ZNF575: variants seen among roughly 807,000 people sequenced by gnomAD.
The protein encoded by ZNF575 is zinc finger protein 575.
Under a neutral mutation model 17.5 loss-of-function variants are expected in ZNF575, and 17 were observed. The ratio of observed to expected loss-of-function variants is 0.97; its 90% CI spans 0.66 to 1.45. ZNF575 has a LOEUF of 1.45. Among genes scored for constraint, ZNF575 ranks in the 40% most tolerant of loss-of-function variants. The probability of loss-of-function intolerance (pLI) is 0.00; values close to 1 mark genes in which losing one functional copy is unlikely to be tolerated. For missense variants in ZNF575, 352 were observed against 359.2 expected (o/e 0.98, Z 0.16); for synonymous variants, 146 against 158.3 (o/e 0.92, Z 0.58).
At chr19:43,530,999 T>A (rs1330965662), upstream of ZNF575, among the ~76,000 whole-genome samples, 1 of 151,818 alleles carries the variant, frequency 6.6e-6, no homozygotes, top group Non-Finnish European at 1.5e-5. Flanking sequence ...GCCCTAGAGG[T>A]TGGGCGCGGT....
chr19:43,535,075 G>A lies in ZNF575; in HGVS notation c.126G>A (p.Gly42=). 1 of 1,491,546 alleles carries A rather than the reference G, an allele frequency of 6.7e-7. No individual in the cohort carries two copies. The highest frequency in any genetic ancestry group is 8.9e-7 in the Non-Finnish European group (1 of 1,129,266). The allele number at this position is 1,491,546 out of a possible 1,614,324, so 92.4% of individuals were successfully genotyped here. ...PPQKPSQSAP[G]PTASAGSPPR... is the part of the protein sequence containing the mutation. ...AGAAGCCCAGCCAGTCAGCTCCAGGGCCCACCGCGTCCGCGGGCTCGCCTC... is the reference window on the plus strand; with the variant it reads ...AGAAGCCCAGCCAGTCAGCTCCAGGACCCACCGCGTCCGCGGGCTCGCCTC... Residue 42 remains glycine (G), a synonymous_variant, in exon 4 of 4, where the codon GGG becomes GGA. Coordinates refer to ENST00000314228, the MANE Select transcript of ZNF575 (RefSeq NM_174945.3).
chr19:43,531,941 A>ATTTTTTT, upstream of ZNF575: 4 of 173,046 alleles, frequency 2.3e-5, no homozygotes, highest in South Asian at 8.2e-5. Context: ...ATTAAGCCAG[A>ATTTTTTT]CTTTTTTTTT....
Position 43,535,741 on chromosome 19 carries a change from T to TGGGATTTCTAA in ZNF575, c.*56_*66dup. 1 of 1,511,982 alleles carries TGGGATTTCTAA rather than the reference T, an allele frequency of 6.6e-7. No individual in the cohort carries two copies. The highest frequency in any genetic ancestry group is 8.9e-7 in the Non-Finnish European group (1 of 1,128,730). The allele number at this position is 1,511,982 out of a possible 1,614,324, so 93.7% of individuals were successfully genotyped here. A position where few individuals can be genotyped will look rare whatever the true frequency, so the allele number is the denominator to read the frequency against. ...GCCGCCAGCCCTAGCCAGTAAGAGG[T>TGGGATTTCTAA]GGGATTTCTAAGACCGACTGTATGA... On this transcript the variant is annotated 3_prime_UTR_variant, in exon 4 of 4. Transcript: ENST00000314228.
chr19:43,534,323 A>G lies in ZNF575; in HGVS notation c.-86-14A>G. 686 of 994,660 alleles carry G rather than the reference A, an allele frequency of 6.9e-4. No homozygotes were observed. The highest frequency in any genetic ancestry group is 9.6e-4 in the Non-Finnish European group (628 of 655,152). 61.6% of individuals were successfully genotyped at this position (994,660 alleles called of 1,614,324 possible). A position where few individuals can be genotyped will look rare whatever the true frequency, so the allele number is the denominator to read the frequency against. ...GCAGACCTTGCTCCTAAACAGTGTG[A>G]TCCCTCATTTTAGGCCCTCCAACCC... On this transcript the variant is annotated splice_polypyrimidine_tract_variant and intron_variant, in intron 2 of 3. Coordinates refer to ENST00000314228, the MANE Select transcript of ZNF575 (RefSeq NM_174945.3).
chr19:43,535,827 C>A lies in ZNF575; in HGVS notation c.*140C>A. On this transcript the variant is annotated 3_prime_UTR_variant, in exon 4 of 4. Transcript: ENST00000314228. ...CAAGGGATTGGCCATTTATACTGGGCTCGAGCTCAGAAGCCCGAGGAACTC... is the reference window on the plus strand; with the variant it reads ...CAAGGGATTGGCCATTTATACTGGGATCGAGCTCAGAAGCCCGAGGAACTC... 2 of 993,266 alleles carry A rather than the reference C, an allele frequency of 2.0e-6. No homozygotes were observed. The highest frequency in any genetic ancestry group is 2.9e-6 in the Non-Finnish European group (2 of 694,850). The allele number at this position is 993,266 out of a possible 1,614,324, so 61.5% of individuals were successfully genotyped here. A position where few individuals can be genotyped will look rare whatever the true frequency, so the allele number is the denominator to read the frequency against.
At position 43,535,194 on chromosome 19, in the gene ZNF575, GCTTAGCACACGGAGGCGCCCGA is replaced by G. The variant is rs1422126565; in HGVS notation, c.247_268del (p.Leu83ProfsTer173). 1 of 1,609,818 alleles carries G rather than the reference GCTTAGCACACGGAGGCGCCCGA, an allele frequency of 6.2e-7. No homozygotes were observed. The highest frequency in any genetic ancestry group is 8.5e-7 in the Non-Finnish European group (1 of 1,178,462). ...TACCCGTCCAAGCTGGCCACGCACC[GCTTAGCACACGGAGGCGCCCGA>G]CCCCACCCATGCCCAGACTGCCCCA... On this transcript the variant is annotated frameshift_variant, in exon 4 of 4. Coordinates refer to ENST00000314228, the MANE Select transcript of ZNF575 (RefSeq NM_174945.3). LOFTEE classifies it high-confidence loss of function.
rs1048190080 is a variant in ZNF575, at chr19:43,535,940, C to G, written c.*253C>G. On this transcript the variant is annotated 3_prime_UTR_variant, in exon 4 of 4. Transcript: ENST00000314228. Reference sequence around the variant, plus strand: ...GGCTCTGCTTCTCCCCACACACTTACATGGCAAAGGTAAAAAGTCTGCTAC... The same window carrying G: ...GGCTCTGCTTCTCCCCACACACTTAGATGGCAAAGGTAAAAAGTCTGCTAC... 2 of 533,294 alleles carry G rather than the reference C, an allele frequency of 3.8e-6. No individual in the cohort carries two copies. Among genetic ancestry groups the G allele is most frequent in the Admixed American group, 6.6e-5 (2 of 30,526 alleles). The allele number at this position is 533,294 out of a possible 1,614,324, so 33.0% of individuals were successfully genotyped here. A position where few individuals can be genotyped will look rare whatever the true frequency, so the allele number is the denominator to read the frequency against.
chr19:43,534,886 C>A (rs902040385), intron 3 of ZNF575, 143 bp from the exon 4 acceptor site: 15 of 778,022 alleles, frequency 1.9e-5, no homozygotes, highest in Middle Eastern at 4.0e-4. Flanking sequence ...CAGAAACATG[C>A]AATTTGGGGA....
At chr19:43,534,008 CT>C (rs1600029758) in intron 2 of ZNF575, 106 bp downstream of exon 2, 1 of 189,270 alleles carries the variant, frequency 5.3e-6, no homozygotes, top group South Asian at 1.1e-4. Flanking sequence ...CCCCCGCCCC[CT>C]GGGTCTAGTT....
Position 43,535,382 on chromosome 19 carries a change from C to CCTGCCCCCACT in ZNF575, c.433_434insCTGCCCCCACT (p.Arg145ProfsTer122). On this transcript the variant is annotated frameshift_variant, in exon 4 of 4. Coordinates refer to ENST00000314228, the MANE Select transcript of ZNF575 (RefSeq NM_174945.3). LOFTEE classifies it high-confidence loss of function. ...TCACCTCTGGACCCACGCACCCACC[C>CCTGCCCCCACT]GCCCCTACCCGTGCCCCGACTGCCC... The CCTGCCCCCACT allele has an allele frequency of 6.3e-7, 1 of 1,583,200 alleles. No individual in the cohort carries two copies. Among genetic ancestry groups the CCTGCCCCCACT allele is most frequent in the Non-Finnish European group, 8.6e-7 (1 of 1,158,490 alleles).
chr19:43,534,494 C>T lies in ZNF575; in HGVS notation c.72C>T (p.Thr24=). The change falls in exon 3 of 4, where the codon ACC becomes ACT. Residue 24 remains threonine, a synonymous_variant. Transcript: ENST00000314228. ...DPSPTGKEPV[T]KEAPHQGPPQ... is the part of the protein sequence containing the mutation. ...GTCCCACTGGCAAGGAACCAGTGAC[C>T]AAAGAAGGTGAGAGTGCCCCGCCTG... The T allele has an allele frequency of 1.4e-6, 2 of 1,461,516 alleles. No individual in the cohort carries two copies. The highest frequency in any genetic ancestry group is 2.7e-5 in the East Asian group (1 of 37,398). 90.5% of individuals were successfully genotyped at this position (1,461,516 alleles called of 1,614,324 possible). A position where few individuals can be genotyped will look rare whatever the true frequency, so the allele number is the denominator to read the frequency against.
chr19:43,531,536 T>C (rs933667808), upstream of ZNF575, among the ~76,000 whole-genome samples: 2 of 151,802 alleles, frequency 1.3e-5, no homozygotes, highest in African/African-American at 4.8e-5. Context: ...GAGCCAAGAT[T>C]GCGCCACTGC....
chr19:43,534,254 C>T, intron 2 of ZNF575, 83 bp from the exon 3 acceptor site: 1 of 623,248 alleles, frequency 1.6e-6, no homozygotes, highest in Non-Finnish European at 2.7e-6. Context: ...CTCTTAGGCT[C>T]CGCCTCCCCG....
intron 3 of ZNF575, 146 bp from the exon 4 acceptor site, chr19:43,534,883 A>C: frequency 1.3e-6 from 1 of 759,158 alleles, no homozygotes; most frequent in Non-Finnish European, 1.9e-6. Flanking sequence ...GAGCAGAAAC[A>C]TGCAATTTGG....
In ZNF575 at chr19:43,534,426, C is replaced by T; in HGVS notation, c.4C>T (p.Leu2=). The T allele has an allele frequency of 6.4e-7, 1 of 1,559,956 alleles. No homozygotes were observed. The highest frequency in any genetic ancestry group is 8.7e-7 in the Non-Finnish European group (1 of 1,154,500). Residue 2 remains leucine (L), a synonymous_variant, in exon 3 of 4, where the codon CTG becomes TTG. Coordinates refer to ENST00000314228, the MANE Select transcript of ZNF575 (RefSeq NM_174945.3). Reference sequence around the variant, plus strand: ...CCTAGGTTCCTGTGCCAGCAAGATGCTGGAGCGAGGCGCGGAGTCCGCGGC... The same window carrying T: ...CCTAGGTTCCTGTGCCAGCAAGATGTTGGAGCGAGGCGCGGAGTCCGCGGC... M[L]ERGAESAAGA...
chr19:43,532,638 G>C (rs1313532077), upstream of ZNF575, among the ~76,000 whole-genome samples: 1 of 152,168 alleles, frequency 6.6e-6, no homozygotes, highest in Non-Finnish European at 1.5e-5. Context: ...GACCTTGCGG[G>C]TTATCGGACT....
Position 43,535,614 on chromosome 19 carries a change from T to C in ZNF575, c.665T>C (p.Phe222Ser), listed in dbSNP as rs1287362542. Residue 222 changes from phenylalanine to serine, a missense_variant, in exon 4 of 4, where the codon TTT becomes TCT. Physicochemically the swap from Phe to Ser is radical, Grantham distance 155. Coordinates refer to ENST00000314228, the MANE Select transcript of ZNF575 (RefSeq NM_174945.3). ...CGATGCTCCAGCTGCGGCCAGGCCT[T>C]TGGCCAGAGACGCTTACTGCTCCTT... ...WHRCSSCGQA[F>S]GQRRLLLLHQ... 1.9e-6 allele frequency: 3 copies of C among 1,613,706 alleles called. No homozygotes were observed. Among genetic ancestry groups the C allele is most frequent in the African/African-American group, 1.3e-5 (1 of 75,054 alleles).
At chr19:43,534,567 T>G in intron 3 of ZNF575, 66 bp downstream of exon 3, 1 of 1,362,390 alleles carries the variant, frequency 7.3e-7, no homozygotes, top group Non-Finnish European at 9.6e-7. Context: ...AATCACATTC[T>G]GGGGGAATCT....
chr19:43,534,026 C>T (rs1371788606), intron 2 of ZNF575, 124 bp downstream of exon 2: 1 of 214,784 alleles, frequency 4.7e-6, no homozygotes, highest in Non-Finnish European at 9.2e-6. Flanking sequence ...AGTTTCAGAA[C>T]AAGACTTTTT....
Sources: gnomAD v4.1 joint callset for allele counts (sites outside exome capture counted in the v4.1 genomes callset) on GRCh38, gnomAD v4.1.1 for gene constraint, MANE v1.5 for transcripts, NCBI Gene and HGNC (gene_info 2026-07-23, HGNC 2026-07-21) for gene names.